The following LTBP1 variants were observed in gnomAD, a reference collection of about 807,000 sequenced individuals.
The protein encoded by LTBP1 is latent-transforming growth factor beta-binding protein 1.
In LTBP1, 129 loss-of-function variants were observed where a neutral mutation model predicts 207.6. The ratio of observed to expected loss-of-function variants is 0.62; its 90% CI spans 0.54 to 0.72. The LOEUF is 0.72. Among genes scored for constraint, LTBP1 ranks in the 30% least tolerant of loss-of-function variants. The pLI, the probability that LTBP1 is intolerant of heterozygous loss-of-function variation, is 0.00. For synonymous variants in LTBP1, 963 were observed against 833.7 expected, an observed-to-expected ratio of 1.16 and a Z score of -2.67; for missense variants, 2,281 against 2,217.2, an observed-to-expected ratio of 1.03 and a Z score of -0.58.
intron 31 of LTBP1, among the ~76,000 whole-genome samples, chr2:33,367,076 ATATAT>A (rs2094998102): frequency 6.6e-6 from 1 of 152,028 alleles, no homozygotes; most frequent in African/African-American, 2.4e-5. Context: ...GCATTTTCTT[ATATAT>A]TAATTATCAT....
chr2:32,992,204 A>G (rs219156), intron 2 of LTBP1, among the ~76,000 whole-genome samples: 34,644 of 152,120 alleles, frequency 0.23, 4,873 homozygotes, highest in Non-Finnish European at 0.32. Flanking sequence ...ATCCAAATGT[A>G]TGCTGCCACG....
chr2:33,375,023 A>G (rs972844450), intron 31 of LTBP1, among the ~76,000 whole-genome samples: 11 of 152,206 alleles, frequency 7.2e-5, no homozygotes, highest in Non-Finnish European at 1.6e-4. Context: ...AGAAAGGTTG[A>G]AAATACTTTT....
chr2:33,033,588 C>T lies in LTBP1; in HGVS notation c.863+12382C>T, dbSNP rs2075782719. Among the ~76,000 whole-genome samples the T allele has an allele frequency of 3.4e-5, 5 of 148,174 alleles. No individual in the cohort carries two copies. The South Asian group carries it at 1.1e-3, about 32-fold the overall frequency. ...TAGAGTTTTAGAAGAAAGGGTTGAG[C>T]TGACTATGGTGGGGGAAAAAAGGGA... On this transcript the variant is annotated intron_variant, in intron 3 of 33. Transcript: ENST00000404816.
At chr2:33,390,304 A>G (rs1173121904) in intron 32 of LTBP1, among the ~76,000 whole-genome samples, 3 of 152,304 alleles carry the variant, frequency 2.0e-5, no homozygotes, top group Non-Finnish European at 2.9e-5. Flanking sequence ...GAAGCCTACA[A>G]ACACACAAGC....
At chr2:33,269,080 A>G (rs1044408554) in intron 15 of LTBP1, among the ~76,000 whole-genome samples, 12 of 151,402 alleles carry the variant, frequency 7.9e-5, no homozygotes, top group Non-Finnish European at 1.5e-4. Flanking sequence ...TGAAATCATC[A>G]TGCTTTAGTA....
Position 32,947,771 on chromosome 2 carries a change from C to G in LTBP1, c.447C>G (p.Ser149Arg). The change falls in exon 1 of 34, where the codon AGC becomes AGG. Residue 149 changes from serine (S) to arginine (R), a missense_variant. Coordinates refer to ENST00000404816, the MANE Select transcript of LTBP1 (RefSeq NM_206943.4). ...VRSKVPQETQSGGGSRLQVHQ... is the reference protein window; with the variant it reads ...VRSKVPQETQRGGGSRLQVHQ... The stretch of plus-strand genomic sequence containing the variant: ...CCAAGGTGCCGCAGGAGACCCAGAG[C>G]GGCGGAGGCTCTAGGCTGCAGGTTC... 6.6e-7 allele frequency: 1 copy of G among 1,516,392 alleles called. No individual in the cohort carries two copies. The highest frequency in any genetic ancestry group is 8.8e-7 in the Non-Finnish European group (1 of 1,130,398). 93.9% of individuals were successfully genotyped at this position (1,516,392 alleles called of 1,614,324 possible).
chr2:33,397,674 ATTTTTTTTTTTTTT>A lies in LTBP1; in HGVS notation c.4984+400_4984+413del, dbSNP rs71409616. Among the ~76,000 whole-genome samples the A allele has an allele frequency of 4.3e-5, 5 of 117,476 alleles. 1 individual carries two copies. The highest frequency in any genetic ancestry group is 1.6e-4 in the African/African-American group (5 of 31,470). 77.1% of individuals were successfully genotyped at this position (117,476 alleles called of 152,430 possible). A position where few individuals can be genotyped will look rare whatever the true frequency, so the allele number is the denominator to read the frequency against. On this transcript the variant is annotated intron_variant, in intron 33 of 33. Transcript: ENST00000404816. ...AGGCACCCGCCACCACACCCGGCTA[ATTTTTTTTTTTTTT>A]TTTTTTTGTATTTTTAGTAGAGACG...
chr2:33,277,760 C>CCTCTCTTTCTTTCTTTCTTT (rs2093459851), intron 18 of LTBP1, among the ~76,000 whole-genome samples: 1 of 95,426 alleles, frequency 1.0e-5, no homozygotes, highest in Non-Finnish European at 2.0e-5. Context: ...TTTTTTTTTC[C>CCTCTCTTTCTTTCTTTCTTT]CTTTCTTTCT....
intron 10 of LTBP1, among the ~76,000 whole-genome samples, chr2:33,246,745 C>G (rs1478060467): frequency 6.6e-6 from 1 of 152,132 alleles, no homozygotes; most frequent in African/African-American, 2.4e-5. Flanking sequence ...GATGAACCCC[C>G]CAGAATTCCT....
At chr2:32,963,223 G>T (rs991375623) in intron 2 of LTBP1, among the ~76,000 whole-genome samples, 1 of 152,146 alleles carries the variant, frequency 6.6e-6, no homozygotes, top group African/African-American at 2.4e-5. Context: ...TTGTTATTCA[G>T]AGACAAGGTC....
intron 3 of LTBP1, among the ~76,000 whole-genome samples, chr2:33,061,734 A>G (rs60641865): frequency 0.14 from 21,502 of 152,082 alleles, 1,630 homozygotes; most frequent in South Asian, 0.21. Flanking sequence ...GGTTGTTTCT[A>G]GTTTGGGGCT....
At chr2:33,206,925 C>T (rs1390499723) in intron 7 of LTBP1, among the ~76,000 whole-genome samples, 1 of 152,054 alleles carries the variant, frequency 6.6e-6, no homozygotes, top group Non-Finnish European at 1.5e-5. Flanking sequence ...ATCTACTCAC[C>T]ATCTAGTACT....
At chr2:33,166,198 A>G (rs1280766825) in intron 5 of LTBP1, among the ~76,000 whole-genome samples, 2 of 152,056 alleles carry the variant, frequency 1.3e-5, no homozygotes, top group Non-Finnish European at 2.9e-5. Flanking sequence ...ATATTTCATT[A>G]TATATCGGTT....
At position 33,000,389 on chromosome 2, in the gene LTBP1, C is replaced by T. The variant is rs1228161119; in HGVS notation, c.566-20520C>T. 1.5e-5 allele frequency among the ~76,000 whole-genome samples: 2 copies of T among 135,490 alleles called. 1 individual carries two copies. The highest frequency in any genetic ancestry group is 3.3e-5 in the Non-Finnish European group (2 of 61,478). 88.9% of individuals were successfully genotyped at this position (135,490 alleles called of 152,430 possible). A position where few individuals can be genotyped will look rare whatever the true frequency, so the allele number is the denominator to read the frequency against. ...GTCTGTGAGGGACATCTGAGCCCCACGCTCATCCTGTGGAGCATGAGCCGT... is the reference window on the plus strand; with the variant it reads ...GTCTGTGAGGGACATCTGAGCCCCATGCTCATCCTGTGGAGCATGAGCCGT... On this transcript the variant is annotated intron_variant, in intron 2 of 33. Coordinates refer to ENST00000404816, the MANE Select transcript of LTBP1 (RefSeq NM_206943.4).
chr2:32,965,532 A>G (rs114972532), intron 2 of LTBP1, among the ~76,000 whole-genome samples: 52 of 152,236 alleles, frequency 3.4e-4, no homozygotes, highest in African/African-American at 1.2e-3. Context: ...TACTGTCTCC[A>G]TAGTTTTGCC....
intron 3 of LTBP1, among the ~76,000 whole-genome samples, chr2:33,034,975 A>G (rs1184804338): frequency 1.3e-5 from 2 of 152,150 alleles, no homozygotes; most frequent in Non-Finnish European, 2.9e-5. Flanking sequence ...AAATTTGAAG[A>G]GGGGGGTTTA....
intron 19 of LTBP1, among the ~76,000 whole-genome samples, chr2:33,284,956 C>A (rs954706801): frequency 1.3e-5 from 2 of 152,130 alleles, no homozygotes; most frequent in Non-Finnish European, 2.9e-5. Context: ...CTATTACCCT[C>A]CTCTATACTG....
In LTBP1 at chr2:33,297,132, G is replaced by C. The variant is rs1329820394; in HGVS notation, c.3236-3319G>C. ...AGGGGAGTAAAACTTGGCAGGCAGA[G>C]GAAACAGCATATGCCAAAGCTTAGA... On this transcript the variant is annotated intron_variant, in intron 20 of 33. Coordinates refer to ENST00000404816, the MANE Select transcript of LTBP1 (RefSeq NM_206943.4). 2.4e-4 allele frequency among the ~76,000 whole-genome samples: 36 copies of C among 152,162 alleles called. 1 individual carries two copies. The highest frequency in any genetic ancestry group is 2.1e-3 in the Admixed American group (32 of 15,274).
intron 2 of LTBP1, among the ~76,000 whole-genome samples, chr2:32,981,167 A>G (rs1019398859): frequency 4.6e-5 from 7 of 152,006 alleles, no homozygotes; most frequent in Non-Finnish European, 1.0e-4. Context: ...TAAACTTTCT[A>G]CCCCAGTCTC....
Sources: allele counts gnomAD v4.1 joint callset (sites outside exome capture counted in the v4.1 genomes callset), GRCh38; gene constraint gnomAD v4.1.1; transcripts MANE v1.5; gene names NCBI Gene and HGNC (gene_info 2026-07-23, HGNC 2026-07-21).